Variants in GALNT17 observed in about 807,000 individuals in gnomAD.
The protein encoded by GALNT17 is polypeptide N-acetylgalactosaminyltransferase 17.
A neutral mutation model predicts 63.7 loss-of-function variants in GALNT17; 29 were observed. The ratio of observed to expected loss-of-function variants is 0.46; its 90% CI spans 0.34 to 0.62. The LOEUF (loss-of-function observed/expected upper bound fraction) is 0.62. Among genes scored for constraint, GALNT17 ranks in the 20% least tolerant of loss-of-function variants. The probability of loss-of-function intolerance (pLI) is 0.01; values close to 1 mark genes in which losing one functional copy is unlikely to be tolerated. For missense variants in GALNT17, 603 were observed against 799.6 expected (o/e 0.75, Z 2.97); for synonymous variants, 305 against 318.3 (o/e 0.96, Z 0.45).
intron 5 of GALNT17, among the ~76,000 whole-genome samples, chr7:71,431,320 C>T (rs1229709306): frequency 2.7e-5 from 4 of 150,824 alleles, no homozygotes; most frequent in Non-Finnish European, 5.9e-5. Context: ...AAGTGATTCT[C>T]CCGCCTCAGC....
intron 1 of GALNT17, among the ~76,000 whole-genome samples, chr7:71,325,706 C>T (rs1203047676): frequency 6.6e-6 from 1 of 152,094 alleles, no homozygotes; most frequent in East Asian, 1.9e-4. Flanking sequence ...CAGACATCGG[C>T]AGAGTGATGT....
At chr7:71,605,315 C>T (rs1047985930) in intron 6 of GALNT17, among the ~76,000 whole-genome samples, 3 of 152,096 alleles carry the variant, frequency 2.0e-5, no homozygotes, top group African/African-American at 7.2e-5. Context: ...TGGCCAACCA[C>T]GATGGCTCAC....
chr7:71,355,667 G>C (rs1792271183), intron 2 of GALNT17, among the ~76,000 whole-genome samples: 1 of 151,732 alleles, frequency 6.6e-6, no homozygotes, highest in Non-Finnish European at 1.5e-5. Context: ...CGAGTAGCTG[G>C]ATTCACAGGC....
rs549137032 is a variant in GALNT17, at chr7:71,304,754, CTTTTTTT to C, written c.239-30790_239-30784del. On this transcript the variant is annotated intron_variant, in intron 1 of 10. Coordinates refer to ENST00000333538, the MANE Select transcript of GALNT17 (RefSeq NM_022479.3). ...CCTACAAGTCCTGTATTTCTTTTTT[CTTTTTTT>C]TTTTTGAGATGGAGTTTTGCTCTTG... Among the ~76,000 whole-genome samples, 398 of 145,288 alleles carry C rather than the reference CTTTTTTT, an allele frequency of 2.7e-3. 8 individuals carry two copies. The highest frequency in any genetic ancestry group is 1.6e-3 in the Non-Finnish European group (104 of 65,696).
At position 71,154,739 on chromosome 7, in the gene GALNT17, G is replaced by GAT. The variant is rs538034406; in HGVS notation, c.238+21699_238+21700insAT. Reference sequence around the variant, plus strand: ...CTACAGGCGCCCGCCACCATGCCCGGCTAATTTTTTGTATTTTTAGTAGAG... The same window carrying GAT: ...CTACAGGCGCCCGCCACCATGCCCGGATCTAATTTTTTGTATTTTTAGTAGAG... On this transcript the variant is annotated intron_variant, in intron 1 of 10. Coordinates refer to ENST00000333538, the MANE Select transcript of GALNT17 (RefSeq NM_022479.3). 6.0e-3 allele frequency among the ~76,000 whole-genome samples: 908 copies of GAT among 150,926 alleles called. 13 individuals carry two copies. Among genetic ancestry groups the GAT allele is most frequent in the African/African-American group, 0.02 (813 of 40,434 alleles).
intron 5 of GALNT17, among the ~76,000 whole-genome samples, chr7:71,432,642 A>G (rs1258737293): frequency 6.6e-6 from 1 of 152,164 alleles, no homozygotes; most frequent in Non-Finnish European, 1.5e-5. Context: ...TGTCTTATGA[A>G]GATACTGAAG....
At position 71,469,981 on chromosome 7, in the gene GALNT17, G is replaced by T. The variant is rs1448168342; in HGVS notation, c.962+48876G>T. 2.0e-5 allele frequency among the ~76,000 whole-genome samples: 3 copies of T among 152,214 alleles called. No homozygotes were observed. The East Asian group carries it at 5.8e-4, about 29-fold the overall frequency. On this transcript the variant is annotated intron_variant, in intron 5 of 10. Transcript: ENST00000333538. ...CCCAACACTTTGGGAGGCTGAGGCG[G>T]ACGGATAACCTGAGGTCAGGAGTTC... is the stretch of plus-strand genomic sequence containing the variant.
intron 1 of GALNT17, among the ~76,000 whole-genome samples, chr7:71,168,807 G>A (rs1259520676): frequency 6.6e-6 from 1 of 151,920 alleles, no homozygotes; most frequent in Non-Finnish European, 1.5e-5. Context: ...TTAAAAAGTT[G>A]TTTTGATTGC....
chr7:71,321,897 TCC>T (rs1791615939), intron 1 of GALNT17, among the ~76,000 whole-genome samples: 2 of 89,818 alleles, frequency 2.2e-5, no homozygotes, highest in African/African-American at 4.5e-5. Flanking sequence ...CTTCCTTCCT[TCC>T]TTCCTTCCTT....
At chr7:71,443,164 C>T (rs181526062) in intron 5 of GALNT17, among the ~76,000 whole-genome samples, 115 of 152,214 alleles carry the variant, frequency 7.6e-4, no homozygotes, top group African/African-American at 2.6e-3. Context: ...AGGTCAGCTT[C>T]GTCGCCAATT....
intron 5 of GALNT17, among the ~76,000 whole-genome samples, chr7:71,443,486 T>C (rs1787104853): frequency 6.6e-6 from 1 of 152,202 alleles, no homozygotes; most frequent in Non-Finnish European, 1.5e-5. Context: ...AAGTGAGTTC[T>C]TGCTCTATTA....
chr7:71,249,478 A>G (rs1010961816), intron 1 of GALNT17, among the ~76,000 whole-genome samples: 10 of 152,294 alleles, frequency 6.6e-5, no homozygotes, highest in Admixed American at 6.5e-4. Context: ...TTGCTGACAG[A>G]TTGTATTTAA....
intron 5 of GALNT17, among the ~76,000 whole-genome samples, chr7:71,496,708 CAG>C (rs2116688962): frequency 6.6e-6 from 1 of 152,020 alleles, no homozygotes; most frequent in Non-Finnish European, 1.5e-5. Flanking sequence ...GCCATGAAAA[CAG>C]AGTGAGTTCA....
chr7:71,388,199 C>A (rs768237941), intron 2 of GALNT17, 36 bp from the exon 3 acceptor site: 8 of 1,602,242 alleles, frequency 5.0e-6, no homozygotes, highest in Non-Finnish European at 6.0e-6. Context: ...TTTTATCCTT[C>A]CTCTGACTCT....
At chr7:71,401,732 G>A (rs935797636) in intron 3 of GALNT17, among the ~76,000 whole-genome samples, 1 of 152,144 alleles carries the variant, frequency 6.6e-6, no homozygotes, top group African/African-American at 2.4e-5. Flanking sequence ...TAACGCCTAT[G>A]ATCTGTCACT....
chr7:71,507,357 T>C (rs1788285640), intron 5 of GALNT17, among the ~76,000 whole-genome samples: 2 of 152,252 alleles, frequency 1.3e-5, no homozygotes, highest in South Asian at 2.1e-4. Context: ...CCTGAAGTTA[T>C]TTGGCAATTT....
At chr7:71,436,041 AAC>A (rs1554371929) in intron 5 of GALNT17, among the ~76,000 whole-genome samples, 4 of 142,376 alleles carry the variant, frequency 2.8e-5, no homozygotes, top group Non-Finnish European at 4.6e-5. Flanking sequence ...AAAAAAAAAA[AAC>A]AACTCTGATC....
chr7:71,444,361 A>C (rs1296533555), intron 5 of GALNT17, among the ~76,000 whole-genome samples: 1 of 152,092 alleles, frequency 6.6e-6, no homozygotes, highest in Non-Finnish European at 1.5e-5. Flanking sequence ...AGAACCAAGC[A>C]GAGGGGCTAA....
At position 71,240,328 on chromosome 7, in the gene GALNT17, C is replaced by T. The variant is rs144383810; in HGVS notation, c.239-95222C>T. 1.5e-3 allele frequency among the ~76,000 whole-genome samples: 230 copies of T among 152,220 alleles called. 1 individual carries two copies. Among genetic ancestry groups the T allele is most frequent in the Admixed American group, 5.4e-3 (83 of 15,292 alleles). ...GGGTACATGTGCAGGTTTGTTACAA[C>T]GGTTTATTGCATGATGCTGAGGTTT... On this transcript the variant is annotated intron_variant, in intron 1 of 10. Transcript: ENST00000333538.
Sources: gnomAD v4.1 joint callset for allele counts (sites outside exome capture counted in the v4.1 genomes callset) on GRCh38, gnomAD v4.1.1 for gene constraint, MANE v1.5 for transcripts, NCBI Gene and HGNC (gene_info 2026-07-23, HGNC 2026-07-21) for gene names.